Variants in PIAS2 observed in about 807,000 individuals in gnomAD.
PIAS2 encodes protein inhibitor of activated STAT 2, also known as E3 SUMO-protein ligase PIAS2.
A neutral mutation model predicts 69.7 loss-of-function variants in PIAS2; 19 were observed. That is an observed-to-expected ratio of 0.27 (90% CI 0.19 to 0.40). PIAS2 has a LOEUF of 0.40. PIAS2 is among the 10% of genes least tolerant of loss of function. The pLI, the probability that PIAS2 is intolerant of heterozygous loss-of-function variation, is 1.00. For missense variants in PIAS2, 624 were observed against 757.0 expected, an observed-to-expected ratio of 0.82 and a Z score of 2.06; for synonymous variants, 261 against 263.2, an observed-to-expected ratio of 0.99 and a Z score of 0.08.
intron 10 of PIAS2, among the ~76,000 whole-genome samples, chr18:46,829,123 G>A (rs1448149789): frequency 6.6e-6 from 1 of 152,166 alleles, no homozygotes; most frequent in African/African-American, 2.4e-5. Context: ...GGGTTTCAAT[G>A]AGACTGTTAG....
chr18:46,836,569 A>C, intron 8 of PIAS2, 52 bp from the exon 9 acceptor site: 3 of 1,394,712 alleles, frequency 2.2e-6, no homozygotes, highest in Non-Finnish European at 3.0e-6. Context: ...GAATGAGCTC[A>C]GAGGGAACAT....
intron 12 of PIAS2, among the ~76,000 whole-genome samples, chr18:46,820,269 CTATTT>C (rs984773810): frequency 2.0e-5 from 3 of 152,036 alleles, no homozygotes; most frequent in African/African-American, 7.2e-5. Context: ...TATAATTGTT[CTATTT>C]TATTATTAGT....
rs2041054787 is a variant in PIAS2, at chr18:46,812,337, T to C, written c.*96A>G. 3 of 723,334 alleles carry C rather than the reference T, an allele frequency of 4.1e-6. No individual in the cohort carries two copies. The highest frequency in any genetic ancestry group is 6.6e-6 in the Non-Finnish European group (3 of 456,008). The allele number at this position is 723,334 out of a possible 1,614,324, so 44.8% of individuals were successfully genotyped here. On this transcript the variant is annotated 3_prime_UTR_variant, in exon 14 of 14. Coordinates refer to ENST00000585916, the MANE Select transcript of PIAS2 (RefSeq NM_004671.5). ...CATCTGACTTTCAATAAATACCAAA[T>C]TATTAAAAAAAAAAAAAAAAGAACG...
rs1284521968 is a variant in PIAS2, at chr18:46,805,130, A to G, written c.*7303T>C. 6.6e-6 allele frequency: 1 copy of G among 152,234 alleles called. No homozygotes were observed. Among genetic ancestry groups the G allele is most frequent in the Non-Finnish European group, 1.5e-5 (1 of 68,046 alleles). 9.4% of individuals were successfully genotyped at this position (152,234 alleles called of 1,614,324 possible). On this transcript the variant is annotated 3_prime_UTR_variant, in exon 14 of 14. Coordinates refer to ENST00000585916, the MANE Select transcript of PIAS2 (RefSeq NM_004671.5). ...CATCTTCTGAGAAGGAAGTGGCCTGAAAAGAGGGCAATAACATTTGTTATA... is the reference window on the plus strand; with the variant it reads ...CATCTTCTGAGAAGGAAGTGGCCTGGAAAGAGGGCAATAACATTTGTTATA...
At chr18:46,886,845 C>CAA (rs912982702) in intron 2 of PIAS2, among the ~76,000 whole-genome samples, 1 of 148,898 alleles carries the variant, frequency 6.7e-6, no homozygotes, top group South Asian at 2.1e-4. Flanking sequence ...CCCCCCCCTC[C>CAA]AAAAAAAAAC....
chr18:46,848,248 T>A (rs2046436780), intron 5 of PIAS2, among the ~76,000 whole-genome samples: 1 of 152,198 alleles, frequency 6.6e-6, no homozygotes, highest in Non-Finnish European at 1.5e-5. Flanking sequence ...CTGGATGTGT[T>A]AATGGGGATA....
intron 12 of PIAS2, chr18:46,815,846 C>T (rs901147274): frequency 1.0e-6 from 1 of 987,554 alleles, no homozygotes; most frequent in African/African-American, 1.7e-5. Flanking sequence ...GTACATAGTC[C>T]AACGCTCTGC....
chr18:46,843,999 A>G (rs1050584311), intron 8 of PIAS2, 55 bp downstream of exon 8: 13 of 969,350 alleles, frequency 1.3e-5, no homozygotes, highest in African/African-American at 3.4e-5. Context: ...TTTATAGGAA[A>G]GTTAATCATT....
At chr18:46,894,500 C>T (rs2047749557) in intron 1 of PIAS2, among the ~76,000 whole-genome samples, 2 of 152,144 alleles carry the variant, frequency 1.3e-5, no homozygotes, top group South Asian at 4.1e-4. Flanking sequence ...TCAAAGGCTC[C>T]CAAGTCAGCC....
At chr18:46,871,482 G>A (rs1482699804) in intron 2 of PIAS2, among the ~76,000 whole-genome samples, 2 of 152,186 alleles carry the variant, frequency 1.3e-5, no homozygotes, top group Admixed American at 6.5e-5. Context: ...AAATGTGGAG[G>A]AGCAGTCATT....
At chr18:46,886,523 G>T (rs941071349) in intron 2 of PIAS2, among the ~76,000 whole-genome samples, 1 of 152,102 alleles carries the variant, frequency 6.6e-6, no homozygotes, top group Non-Finnish European at 1.5e-5. Context: ...ACAGACAACC[G>T]GGTAATAAGC....
upstream of PIAS2, chr18:46,917,571 A>G: frequency 1.8e-6 from 2 of 1,082,454 alleles, no homozygotes; most frequent in Middle Eastern, 4.1e-4. Flanking sequence ...CCCCCTGCCC[A>G]CCCGCGCGAC....
intron 1 of PIAS2, chr18:46,893,288 A>G (rs1000990979): frequency 6.2e-6 from 1 of 160,984 alleles, no homozygotes; most frequent in African/African-American, 2.4e-5. Flanking sequence ...AAAAAAGGCA[A>G]TCACACAGAT....
intron 12 of PIAS2, 128 bp downstream of exon 12, chr18:46,820,805 T>C: frequency 1.4e-6 from 1 of 727,748 alleles, no homozygotes; most frequent in East Asian, 2.8e-5. Flanking sequence ...ATAAGACCTT[T>C]ACCCGAAGCT....
intron 2 of PIAS2, among the ~76,000 whole-genome samples, chr18:46,884,985 T>C (rs570878637): frequency 3.4e-4 from 51 of 152,172 alleles, no homozygotes; most frequent in Non-Finnish European, 1.3e-4. Flanking sequence ...AGGATGGTTA[T>C]TTAAGGAAAG....
chr18:46,836,627 T>C (rs2044478190), intron 8 of PIAS2, 110 bp from the exon 9 acceptor site: 1 of 717,770 alleles, frequency 1.4e-6, no homozygotes, highest in East Asian at 2.6e-5. Flanking sequence ...ATGATAAAAA[T>C]GAAATAGAAA....
At position 46,810,370 on chromosome 18, in the gene PIAS2, A is replaced by G. The variant is rs1012945413; in HGVS notation, c.*2063T>C. The G allele has an allele frequency of 3.3e-5, 5 of 152,222 alleles. No homozygotes were observed. Among genetic ancestry groups the G allele is most frequent in the South Asian group, 4.1e-4 (2 of 4,834 alleles). The allele number at this position is 152,222 out of a possible 1,614,324, so 9.4% of individuals were successfully genotyped here. A position where few individuals can be genotyped will look rare whatever the true frequency, so the allele number is the denominator to read the frequency against. On this transcript the variant is annotated 3_prime_UTR_variant, in exon 14 of 14. Transcript: ENST00000585916. ...AATAACAAATATACATCATTTCTTT[A>G]TAAGTCATACCACACAAACCAAGTT...
At chr18:46,871,176 G>C (rs2050306860) in intron 2 of PIAS2, among the ~76,000 whole-genome samples, 1 of 152,146 alleles carries the variant, frequency 6.6e-6, no homozygotes. Flanking sequence ...GGAAAGACTG[G>C]ACTATTGAAG....
intron 12 of PIAS2, chr18:46,816,118 A>G (rs2041505053): frequency 3.0e-6 from 3 of 984,738 alleles, no homozygotes; most frequent in Non-Finnish European, 2.4e-6. Context: ...ACTCTCTTTA[A>G]TTATTTCAAA....
Sources: allele counts gnomAD v4.1 joint callset (sites outside exome capture counted in the v4.1 genomes callset), GRCh38; gene constraint gnomAD v4.1.1; transcripts MANE v1.5; gene names NCBI Gene and HGNC (gene_info 2026-07-23, HGNC 2026-07-21).